Variants in GAPVD1 observed in about 807,000 individuals in gnomAD.
GAPVD1 encodes GTPase activating protein and VPS9 domains 1, also known as GTPase-activating protein and VPS9 domain-containing protein 1.
In GAPVD1, 35 loss-of-function variants were observed where a neutral mutation model predicts 155.5. The ratio of observed to expected loss-of-function variants is 0.23; its 90% confidence interval spans 0.17 to 0.30. The LOEUF is 0.30. GAPVD1 is among the 10% of genes least tolerant of loss of function. The pLI is 1.00. For missense variants in GAPVD1, 1,429 were observed against 1,775.7 expected (o/e 0.80, Z 3.51); for synonymous variants, 636 against 619.7 (o/e 1.03, Z -0.39).
intron 8 of GAPVD1, chr9:125,308,886 G>T (rs1396131138): frequency 5.3e-5 from 8 of 152,314 alleles, no homozygotes; most frequent in African/African-American, 1.9e-4. Context: ...GAGGGTTATG[G>T]TGACACCTAA....
chr9:125,359,594 T>C, intron 26 of GAPVD1, 102 bp downstream of exon 26: 1 of 690,788 alleles, frequency 1.4e-6, no homozygotes. Flanking sequence ...TGTGATAAAA[T>C]ATAAAACATC....
At chr9:125,263,223 G>A (rs182276323) in intron 1 of GAPVD1, among the ~76,000 whole-genome samples, 2 of 152,320 alleles carry the variant, frequency 1.3e-5, no homozygotes, top group South Asian at 2.1e-4. Flanking sequence ...GCCGAGGCGG[G>A]CGGATCATTG....
chr9:125,340,658 AC>A (rs1187273057), intron 17 of GAPVD1, among the ~76,000 whole-genome samples: 2 of 151,986 alleles, frequency 1.3e-5, no homozygotes, highest in Non-Finnish European at 2.9e-5. Context: ...TACTGCATTT[AC>A]TTTTTTCATA....
chr9:125,347,223 C>A (rs758055018), intron 20 of GAPVD1, among the ~76,000 whole-genome samples: 1 of 152,016 alleles, frequency 6.6e-6, no homozygotes, highest in Non-Finnish European at 1.5e-5. Flanking sequence ...GGAGGAGGTT[C>A]TTTTTCAATG....
intron 1 of GAPVD1, among the ~76,000 whole-genome samples, chr9:125,263,173 G>A (rs931762251): frequency 1.3e-5 from 2 of 152,212 alleles, no homozygotes; most frequent in Non-Finnish European, 2.9e-5. Flanking sequence ...AATGAGGTCC[G>A]TGCACAAAAA....
At chr9:125,265,803 A>C (rs2131637902) in intron 1 of GAPVD1, among the ~76,000 whole-genome samples, 1 of 148,272 alleles carries the variant, frequency 6.7e-6, no homozygotes, top group Middle Eastern at 3.4e-3. Flanking sequence ...GTGGTAGCTC[A>C]TGCCTATAAT....
intron 24 of GAPVD1, 138 bp downstream of exon 24, chr9:125,354,979 A>C: frequency 1.8e-6 from 1 of 546,672 alleles, no homozygotes; most frequent in East Asian, 2.9e-5. Flanking sequence ...AATCTTAATA[A>C]ATTAAACTTT....
chr9:125,270,574 A>G (rs1264501740), intron 2 of GAPVD1, among the ~76,000 whole-genome samples: 2 of 152,240 alleles, frequency 1.3e-5, no homozygotes, highest in Non-Finnish European at 1.5e-5. Context: ...AACCCAGTTT[A>G]AAACTCTAAT....
Position 125,361,456 on chromosome 9 carries a change from A to G in GAPVD1, c.4242+731A>G, listed in dbSNP as rs553290557. 4.6e-5 allele frequency among the ~76,000 whole-genome samples: 7 copies of G among 151,256 alleles called. No homozygotes were observed. In the East Asian group the frequency reaches 1.4e-3, roughly 30 times the overall value. On this transcript the variant is annotated intron_variant, in intron 27 of 27. Coordinates refer to ENST00000297933, the MANE Select transcript of GAPVD1 (RefSeq NM_001282680.3). ...GGAGAATCACTTGAACCTGGGCAGCAGAGCTTGTAGTGAGCCGAGATCACA... is the reference window on the plus strand; with the variant it reads ...GGAGAATCACTTGAACCTGGGCAGCGGAGCTTGTAGTGAGCCGAGATCACA...
At chr9:125,331,491 A>G (rs1846071437) in intron 13 of GAPVD1, among the ~76,000 whole-genome samples, 1 of 152,178 alleles carries the variant, frequency 6.6e-6, no homozygotes, top group African/African-American at 2.4e-5. Context: ...GTGAGCTACC[A>G]CGGCTGGCCT....
chr9:125,294,413 C>T lies in GAPVD1; in HGVS notation c.-149-1045C>T, dbSNP rs2648329. Among the ~76,000 whole-genome samples the T allele has an allele frequency of 4.3e-3, 629 of 146,940 alleles. 6 individuals are homozygous for T. Among genetic ancestry groups the T allele is most frequent in the African/African-American group, 0.015 (608 of 39,750 alleles). ...CCCAGGCTGGAGTGCAGCGCGTGAT[C>T]TCGGCTCACTGCAACCTTCACCTCT... On this transcript the variant is annotated intron_variant, in intron 2 of 27. Transcript: ENST00000297933.
At chr9:125,295,028 A>T (rs1174189351) in intron 2 of GAPVD1, among the ~76,000 whole-genome samples, 1 of 151,692 alleles carries the variant, frequency 6.6e-6, no homozygotes, top group Non-Finnish European at 1.5e-5. Flanking sequence ...TTGAATCTTG[A>T]CTTAGCTACA....
chr9:125,280,841 C>A (rs1442295711), intron 2 of GAPVD1, among the ~76,000 whole-genome samples: 1 of 152,120 alleles, frequency 6.6e-6, no homozygotes, highest in African/African-American at 2.4e-5. Context: ...TTCCAAAGTG[C>A]TGGGATTACA....
chr9:125,320,554 T>A (rs1159380277), intron 9 of GAPVD1, among the ~76,000 whole-genome samples: 1 of 152,204 alleles, frequency 6.6e-6, no homozygotes, highest in Non-Finnish European at 1.5e-5. Flanking sequence ...TTGAATTTAT[T>A]TACTTTTATT....
chr9:125,321,160 G>A (rs543815492), intron 9 of GAPVD1, among the ~76,000 whole-genome samples: 132 of 152,230 alleles, frequency 8.7e-4, no homozygotes, highest in East Asian at 8.1e-3. Context: ...AAAGACTTCT[G>A]ATTTGTATAA....
intron 9 of GAPVD1, 42 bp from the exon 10 acceptor site, chr9:125,321,391 A>G: frequency 2.7e-6 from 4 of 1,485,624 alleles, no homozygotes; most frequent in South Asian, 2.3e-5. Context: ...CTTATCAGTA[A>G]TCTTTCCATT....
chr9:125,263,510 C>T, intron 1 of GAPVD1: 1 of 771,052 alleles, frequency 1.3e-6, no homozygotes, highest in Non-Finnish European at 2.2e-6. Flanking sequence ...ATTTATAAGT[C>T]TACTTAGAAG....
At chr9:125,300,295 C>A (rs943967467) in intron 4 of GAPVD1, among the ~76,000 whole-genome samples, 2 of 149,510 alleles carry the variant, frequency 1.3e-5, no homozygotes, top group Non-Finnish European at 3.0e-5. Flanking sequence ...GATTCTCCTG[C>A]CTCAGCCTCC....
intron 3 of GAPVD1, among the ~76,000 whole-genome samples, chr9:125,298,609 C>T (rs746315462): frequency 2.6e-5 from 4 of 151,054 alleles, no homozygotes; most frequent in Non-Finnish European, 4.4e-5. Flanking sequence ...CTGCCTCAGC[C>T]TTCTGAGTAG....
Sources: gnomAD v4.1 joint callset for allele counts (sites outside exome capture counted in the v4.1 genomes callset) on GRCh38, gnomAD v4.1.1 for gene constraint, MANE v1.5 for transcripts, NCBI Gene and HGNC (gene_info 2026-07-23, HGNC 2026-07-21) for gene names.